Variants in NLRP9 observed in about 807,000 individuals in gnomAD.
The protein encoded by NLRP9 is NACHT, LRR and PYD domains-containing protein 9.
NLRP9 carries 88 observed loss-of-function variants against 83.1 expected under a neutral mutation model. The observed-to-expected ratio is 1.06, with a 90% confidence interval of 0.89 to 1.26. NLRP9 has a LOEUF of 1.26. NLRP9 is among the 50% of genes most tolerant of loss of function. The pLI, the probability that NLRP9 is intolerant of heterozygous loss-of-function variation, is 0.00. For missense variants in NLRP9, 1,308 were observed against 1,179.3 expected, an observed-to-expected ratio of 1.11 and a Z score of -1.60; for synonymous variants, 521 against 447.6, an observed-to-expected ratio of 1.16 and a Z score of -2.07.
At chr19:55,716,191 T>C (rs904034154) in intron 5 of NLRP9, among the ~76,000 whole-genome samples, 1 of 152,156 alleles carries the variant, frequency 6.6e-6, no homozygotes, top group Non-Finnish European at 1.5e-5. Context: ...TTTTACAGTG[T>C]ATGCATATAT....
chr19:55,733,503 TGA>T lies in NLRP9; in HGVS notation c.326_327del (p.Leu109HisfsTer12). 6.2e-7 allele frequency: 1 copy of T among 1,609,358 alleles called. No homozygotes were observed. Among genetic ancestry groups the T allele is most frequent in the East Asian group, 2.2e-5 (1 of 44,878 alleles). ...YRKHMKETFQLIWEKETCLHV... is the reference protein window; with the variant it reads ...YRKHMKETFQXIWEKETCLHV... ...TGAAGACAGGTTTCCTTCTCCCATATGAGTTGAAATGTTTCCTTCATATGCTT... is the reference window on the plus strand; with the variant it reads ...TGAAGACAGGTTTCCTTCTCCCATATGTTGAAATGTTTCCTTCATATGCTT... On this transcript the variant is annotated frameshift_variant, in exon 2 of 9. Transcript: ENST00000332836. LOFTEE classifies it high-confidence loss of function.
Position 55,718,417 on chromosome 19 carries a change from A to G in NLRP9, c.2160-1519T>C, listed in dbSNP as rs551343638. Among the ~76,000 whole-genome samples, 98 of 152,342 alleles carry G rather than the reference A, an allele frequency of 6.4e-4. 1 individual carries two copies. Among genetic ancestry groups the G allele is most frequent in the Non-Finnish European group, 9.0e-4 (61 of 68,044 alleles). On this transcript the variant is annotated intron_variant, in intron 4 of 8. Coordinates refer to ENST00000332836, the MANE Select transcript of NLRP9 (RefSeq NM_176820.4). The stretch of plus-strand genomic sequence containing the variant: ...GCTGGTCCCTGGGAATGGAATGTCT[A>G]GGTGTAAAGCTGACCATTCCCATTC...
At chr19:55,726,443 CA>C (rs1988406382) in intron 3 of NLRP9, among the ~76,000 whole-genome samples, 1 of 152,156 alleles carries the variant, frequency 6.6e-6, no homozygotes, top group South Asian at 2.1e-4. Context: ...AGCCTGGGCT[CA>C]TTCCTTCAAC....
At chr19:55,713,358 T>C (rs76070306) in intron 6 of NLRP9, among the ~76,000 whole-genome samples, 3,111 of 151,824 alleles carry the variant, frequency 0.02, 41 homozygotes, top group Non-Finnish European at 0.032. Context: ...TAATAGATGA[T>C]AAATGACAGA....
intron 3 of NLRP9, 41 bp downstream of exon 3, chr19:55,729,790 C>T (rs755645299): frequency 1.9e-6 from 3 of 1,551,002 alleles, no homozygotes; most frequent in African/African-American, 2.8e-5. Context: ...GAGAAGGAAA[C>T]TCTGCCATTT....
At chr19:55,733,923 T>A (rs1167424205) in intron 1 of NLRP9, among the ~76,000 whole-genome samples, 1 of 134,040 alleles carries the variant, frequency 7.5e-6, no homozygotes, top group Non-Finnish European at 1.5e-5. Flanking sequence ...AACCAAATTT[T>A]TTTTTTTTTT....
intron 2 of NLRP9, among the ~76,000 whole-genome samples, chr19:55,730,478 T>C (rs1988540519): frequency 6.6e-6 from 1 of 151,338 alleles, no homozygotes; most frequent in South Asian, 2.1e-4. Context: ...AGGAGCACTA[T>C]TTACAATAGC....
intron 8 of NLRP9, chr19:55,709,340 T>G: frequency 5.4e-6 from 1 of 185,950 alleles, no homozygotes; most frequent in East Asian, 1.4e-4. Context: ...CTGATGTTCA[T>G]ATGCCCTGGC....
intron 4 of NLRP9, among the ~76,000 whole-genome samples, chr19:55,718,933 C>T (rs1415342416): frequency 1.3e-5 from 2 of 152,216 alleles, no homozygotes; most frequent in African/African-American, 2.4e-5. Context: ...TCTGGCTGCA[C>T]ATCTGTATTT....
chr19:55,738,337 C>T lies in NLRP9; in HGVS notation c.38G>A (p.Trp13Ter). ...TTCCTTTCTGAGCTCCTTCAGATAC[C>T]ACAACAAGCCAAAATCCGAAAAAAA... Reference protein sequence around the residue: ...ESFFSDFGLLWYLKELRKEEF... With the variant: ...ESFFSDFGLL Residue 13 changes from tryptophan to a stop codon, truncating the protein, a stop_gained, in exon 1 of 9, where the codon TGG (tryptophan) becomes TAG (stop). Transcript: ENST00000332836. LOFTEE classifies it high-confidence loss of function. 2 of 1,613,638 alleles carry T rather than the reference C, an allele frequency of 1.2e-6. No individual in the cohort carries two copies. The highest frequency in any genetic ancestry group is 1.3e-5 in the African/African-American group (1 of 74,862).
At chr19:55,737,784 T>C (rs916395923) in intron 1 of NLRP9, among the ~76,000 whole-genome samples, 4 of 143,362 alleles carry the variant, frequency 2.8e-5, no homozygotes, top group Non-Finnish European at 6.0e-5. Flanking sequence ...CATACTAGAA[T>C]TCCATCTCAG....
At chr19:55,729,785 G>A in intron 3 of NLRP9, 46 bp downstream of exon 3, 1 of 1,534,276 alleles carries the variant, frequency 6.5e-7, no homozygotes, top group Non-Finnish European at 8.9e-7. Context: ...GTAGAGAGAA[G>A]GAAACTCTGC....
At chr19:55,735,194 C>A (rs1240329964) in intron 1 of NLRP9, among the ~76,000 whole-genome samples, 1 of 152,236 alleles carries the variant, frequency 6.6e-6, no homozygotes. Flanking sequence ...CCACTTTATT[C>A]TCCGCTATAT....
chr19:55,733,980 T>G (rs1197353224), intron 1 of NLRP9, among the ~76,000 whole-genome samples: 5 of 142,416 alleles, frequency 3.5e-5, no homozygotes, highest in African/African-American at 1.4e-4. Context: ...TGGAGTGCAG[T>G]GGCGGGATCT....
chr19:55,733,467 G>A lies in NLRP9; in HGVS notation c.364C>T (p.His122Tyr), dbSNP rs927717702. The A allele has an allele frequency of 1.6e-5, 26 of 1,613,446 alleles. No homozygotes were observed. The highest frequency in any genetic ancestry group is 2.1e-5 in the Non-Finnish European group (25 of 1,179,680). The change falls in exon 2 of 9, where the codon CAT (histidine) becomes TAT (tyrosine). Residue 122 changes from histidine (H) to tyrosine (Y), a missense_variant. Physicochemically the swap from His to Tyr is moderately conservative, Grantham distance 83. Transcript: ENST00000332836. Reference protein sequence around the residue: ...EKETCLHVPEHFYKETMKNEY... With the variant: ...EKETCLHVPEYFYKETMKNEY... The stretch of plus-strand genomic sequence containing the variant: ...TTTTTCATGGTTTCTTTGTAGAAAT[G>A]CTCAGGGACGTGAAGACAGGTTTCC...
chr19:55,732,746 T>G lies in NLRP9; in HGVS notation c.1085A>C (p.Gln362Pro), dbSNP rs765121565. 1 of 1,614,178 alleles carries G rather than the reference T, an allele frequency of 6.2e-7. No individual in the cohort carries two copies. The highest frequency in any genetic ancestry group is 8.5e-7 in the Non-Finnish European group (1 of 1,180,016). ...GGATGCATATAAATAGGTGGTGTTT[T>G]GGGAGTTTATTTCAAGGTCTTCTCC... ...ERGEDLEINSQNTTYLYASFL... is the reference protein window; with the variant it reads ...ERGEDLEINSPNTTYLYASFL... Residue 362 changes from glutamine to proline, a missense_variant, in exon 2 of 9, where the codon CAA becomes CCA. Physicochemically the swap from Gln to Pro is moderately conservative, Grantham distance 76 (BLOSUM62 -1). Coordinates refer to ENST00000332836, the MANE Select transcript of NLRP9 (RefSeq NM_176820.4).
At chr19:55,722,529 T>C (rs867627946) in intron 4 of NLRP9, among the ~76,000 whole-genome samples, 1 of 152,172 alleles carries the variant, frequency 6.6e-6, no homozygotes, top group African/African-American at 2.4e-5. Context: ...CAATTACATT[T>C]TTGACGGTTA....
In NLRP9 at chr19:55,729,820, A is replaced by G. The variant is rs778012745; in HGVS notation, c.1994+11T>C. 10 of 1,607,078 alleles carry G rather than the reference A, an allele frequency of 6.2e-6. No homozygotes were observed. In the South Asian group the frequency reaches 1.1e-4, roughly 18 times the overall value. Reference sequence around the variant, plus strand: ...CCATTTGCTTAAAGGACAGGTTAACATAAAACTTACATGAGTTTTCGGAGT... The same window carrying G: ...CCATTTGCTTAAAGGACAGGTTAACGTAAAACTTACATGAGTTTTCGGAGT... On this transcript the variant is annotated intron_variant, in intron 3 of 8. Coordinates refer to ENST00000332836, the MANE Select transcript of NLRP9 (RefSeq NM_176820.4).
intron 5 of NLRP9, among the ~76,000 whole-genome samples, chr19:55,715,616 G>A (rs549991338): frequency 2.0e-4 from 31 of 152,228 alleles, no homozygotes; most frequent in Middle Eastern, 3.4e-3. Flanking sequence ...CCCAGGAGGC[G>A]GAGGTTGCTG....
Sources: allele counts gnomAD v4.1 joint callset (sites outside exome capture counted in the v4.1 genomes callset), GRCh38; gene constraint gnomAD v4.1.1; transcripts MANE v1.5; gene names NCBI Gene and HGNC (gene_info 2026-07-23, HGNC 2026-07-21).